Variants in AOC2 observed in about 807,000 individuals in gnomAD.
The protein encoded by AOC2 is amine oxidase [copper-containing] 2.
Under a neutral mutation model 53.8 loss-of-function variants are expected in AOC2, and 57 were observed. The observed-to-expected ratio is 1.06, with a 90% confidence interval of 0.86 to 1.32. AOC2 has a LOEUF of 1.32. AOC2 is among the 40% of genes most tolerant of loss of function. AOC2 has a pLI of 0.00. For synonymous variants in AOC2, 404 were observed against 399.0 expected (o/e 1.01, Z -0.15); for missense variants, 1,008 against 957.2 (o/e 1.05, Z -0.70).
At position 42,845,978 on chromosome 17, in the gene AOC2, G is replaced by C. The variant is rs1287154743; in HGVS notation, c.1352G>C (p.Ser451Thr). Residue 451 changes from serine (S) to threonine (T), a missense_variant, in exon 1 of 4, where the codon AGC (serine) becomes ACC (threonine). Physicochemically the swap from Ser to Thr is moderately conservative, Grantham distance 58 (BLOSUM62 1). Transcript: ENST00000253799. ...LQNHFYGGLA[S>T]SALVVRSVSS... ...AATCATTTCTATGGTGGTTTGGCCAGCTCAGCCCTTGTGGTCAGGTCTGTG... is the reference window on the plus strand; with the variant it reads ...AATCATTTCTATGGTGGTTTGGCCACCTCAGCCCTTGTGGTCAGGTCTGTG... 2.5e-6 allele frequency: 4 copies of C among 1,614,112 alleles called. No individual in the cohort carries two copies. The highest frequency in any genetic ancestry group is 1.7e-5 in the Admixed American group (1 of 60,012).
chr17:42,850,413 C>T lies in AOC2; in HGVS notation c.*65C>T, dbSNP rs1205936168. On this transcript the variant is annotated 3_prime_UTR_variant, in exon 4 of 4. Transcript: ENST00000253799. ...CTTTTCCCTGTTTCTACTTTCTATT[C>T]TCCGTGTTTTTATCACACCTGCTCC... The T allele has an allele frequency of 3.3e-6, 5 of 1,502,908 alleles. No homozygotes were observed. Among genetic ancestry groups the T allele is most frequent in the Non-Finnish European group, 3.6e-6 (4 of 1,126,296 alleles). The allele number at this position is 1,502,908 out of a possible 1,614,324, so 93.1% of individuals were successfully genotyped here.
chr17:42,845,607 C>T lies in AOC2; in HGVS notation c.981C>T (p.Ser327=). Residue 327 remains serine, a synonymous_variant, in exon 1 of 4, where the codon TCC becomes TCT. Coordinates refer to ENST00000253799, the MANE Select transcript of AOC2 (RefSeq NM_009590.4). ...YSVQGNLVVS[S]LWSFTFGHGV... is the part of the protein sequence containing the mutation. ...TGCAAGGAAACCTGGTGGTATCCTCCCTCTGGTCATTTACCTTTGGCCATG... is the reference window on the plus strand; with the variant it reads ...TGCAAGGAAACCTGGTGGTATCCTCTCTCTGGTCATTTACCTTTGGCCATG... 1.2e-6 allele frequency: 2 copies of T among 1,614,212 alleles called. No homozygotes were observed. The highest frequency in any genetic ancestry group is 1.1e-5 in the South Asian group (1 of 91,088).
In AOC2 at chr17:42,844,659, A is replaced by C. The variant is rs1182891816; in HGVS notation, c.33A>C (p.Ala11=). Residue 11 remains alanine (A), a synonymous_variant, in exon 1 of 4, where the codon GCA becomes GCC. Coordinates refer to ENST00000253799, the MANE Select transcript of AOC2 (RefSeq NM_009590.4). ...TCAAGATAGTCCTGGCGTTCCTGGC[A>C]CTGTCCCTCATTACCATCTTTGCCC... is the stretch of plus-strand genomic sequence containing the variant. MHLKIVLAFL[A]LSLITIFALA... The C allele has an allele frequency of 6.2e-7, 1 of 1,613,932 alleles. No individual in the cohort carries two copies. Among genetic ancestry groups the C allele is most frequent in the East Asian group, 2.2e-5 (1 of 44,872 alleles).
At chr17:42,849,549 A>G (rs1426963463) in intron 2 of AOC2, 52 bp from the exon 3 acceptor site, 60 of 1,613,758 alleles carry the variant, frequency 3.7e-5, no homozygotes, top group African/African-American at 6.7e-5. Context: ...CTCCTGGGCC[A>G]GTAAAGGCAC....
At position 42,850,404 on chromosome 17, in the gene AOC2, C is replaced by A; in HGVS notation, c.*56C>A. ...GCACATGTACTTTTCCCTGTTTCTA[C>A]TTTCTATTCTCCGTGTTTTTATCAC... is the stretch of plus-strand genomic sequence containing the variant. On this transcript the variant is annotated 3_prime_UTR_variant, in exon 4 of 4. Coordinates refer to ENST00000253799, the MANE Select transcript of AOC2 (RefSeq NM_009590.4). The A allele has an allele frequency of 6.6e-7, 1 of 1,510,898 alleles. No homozygotes were observed. The highest frequency in any genetic ancestry group is 8.9e-7 in the Non-Finnish European group (1 of 1,129,832). The allele number at this position is 1,510,898 out of a possible 1,614,324, so 93.6% of individuals were successfully genotyped here. A position where few individuals can be genotyped will look rare whatever the true frequency, so the allele number is the denominator to read the frequency against.
rs780166614 is a variant in AOC2 at position 42,849,287 on chromosome 17, G to A, written c.1790G>A (p.Arg597His). 43 of 1,614,004 alleles carry A rather than the reference G, an allele frequency of 2.7e-5. No individual in the cohort carries two copies. Among genetic ancestry groups the A allele is most frequent in the African/African-American group, 2.0e-4 (15 of 74,890 alleles). ...SNQTNAWGHQ[R>H]GYRIQIHSPL... Reference sequence around the variant, plus strand: ...CAGACTAATGCGTGGGGTCACCAGCGCGGGTACCGAATCCAGATCCACAGC... The same window carrying A: ...CAGACTAATGCGTGGGGTCACCAGCACGGGTACCGAATCCAGATCCACAGC... Residue 597 changes from arginine (R) to histidine (H), a missense_variant, in exon 2 of 4, where the codon CGC (arginine) becomes CAC (histidine). Physicochemically the swap from Arg to His is conservative, Grantham distance 29. Coordinates refer to ENST00000253799, the MANE Select transcript of AOC2 (RefSeq NM_009590.4).
Position 42,849,242 on chromosome 17 carries a change from A to C in AOC2, c.1745A>C (p.Tyr582Ser). 1 of 1,614,082 alleles carries C rather than the reference A, an allele frequency of 6.2e-7. No individual in the cohort carries two copies. The highest frequency in any genetic ancestry group is 8.5e-7 in the Non-Finnish European group (1 of 1,179,990). The change falls in exon 2 of 4, where the codon TAC becomes TCC. Residue 582 changes from tyrosine (Y) to serine (S), a missense_variant. Tyr to Ser is a moderately radical substitution (Grantham distance 144). Transcript: ENST00000253799. ...AFSLGSPLPR[Y>S]LYLASNQTNA... is the part of the protein sequence containing the mutation. ...TCCTTGGGAAGCCCCCTACCCCGCTACCTCTACCTGGCTAGCAACCAGACT... is the reference window on the plus strand; with the variant it reads ...TCCTTGGGAAGCCCCCTACCCCGCTCCCTCTACCTGGCTAGCAACCAGACT...
chr17:42,849,753 G>A (rs1240898352), intron 3 of AOC2, 23 bp downstream of exon 3: 5 of 1,614,016 alleles, frequency 3.1e-6, no homozygotes, highest in Admixed American at 1.7e-5. Flanking sequence ...AGGGACATAG[G>A]AAAGGGACAC....
In AOC2 at chr17:42,845,790, C is replaced by T; in HGVS notation, c.1164C>T (p.Asn388=). ...ATAGCAGCTTTGGACTCGGCCGTAA[C>T]AGCCGAGGCTTGGTGCGGGGAGTGG... ...YLDSSFGLGR[N]SRGLVRGVDC... The change falls in exon 1 of 4, where the codon AAC becomes AAT. Residue 388 remains asparagine (N), a synonymous_variant. Coordinates refer to ENST00000253799, the MANE Select transcript of AOC2 (RefSeq NM_009590.4). The T allele has an allele frequency of 6.2e-7, 1 of 1,614,182 alleles. No individual in the cohort carries two copies. The highest frequency in any genetic ancestry group is 2.2e-5 in the East Asian group (1 of 44,886).
chr17:42,849,381 G>A lies in AOC2; in HGVS notation c.1874+10G>A, dbSNP rs774660767. On this transcript the variant is annotated intron_variant, in intron 2 of 3. Coordinates refer to ENST00000253799, the MANE Select transcript of AOC2 (RefSeq NM_009590.4). Reference sequence around the variant, plus strand: ...CCCTCAGCTGGGGGAGGTGAGGAGGGCCCTGGCCTGGGTGGAAGGAAAGGA... The same window carrying A: ...CCCTCAGCTGGGGGAGGTGAGGAGGACCCTGGCCTGGGTGGAAGGAAAGGA... The A allele has an allele frequency of 2.1e-5, 33 of 1,607,746 alleles. No individual in the cohort carries two copies. The East Asian group carries it at 6.7e-4, about 33-fold the overall frequency.
Position 42,849,707 on chromosome 17 carries a change from A to G in AOC2, c.1981A>G (p.Asn661Asp). The change falls in exon 3 of 4, where the codon AAC becomes GAC. Residue 661 changes from asparagine (N) to aspartate (D), a missense_variant. Coordinates refer to ENST00000253799, the MANE Select transcript of AOC2 (RefSeq NM_009590.4). ...TPTVTFADFINNETLLGEDLV... is the reference protein window; with the variant it reads ...TPTVTFADFIDNETLLGEDLV... ...CACAGTTACCTTTGCTGACTTCATC[A>G]ACAATGAAACCCTCTTAGGAGAGGT... 1.2e-6 allele frequency: 2 copies of G among 1,614,228 alleles called. No homozygotes were observed. Among genetic ancestry groups the G allele is most frequent in the Non-Finnish European group, 1.7e-6 (2 of 1,180,050 alleles).
intron 2 of AOC2, 47 bp downstream of exon 2, chr17:42,849,418 CT>C: frequency 6.3e-7 from 1 of 1,593,152 alleles, no homozygotes; most frequent in Non-Finnish European, 8.6e-7. Context: ...AGCCCCTCCC[CT>C]GCCCCAGTCC....
At position 42,849,223 on chromosome 17, in the gene AOC2, G is replaced by A. The variant is rs780731878; in HGVS notation, c.1726G>A (p.Gly576Arg). 1 of 1,614,134 alleles carries A rather than the reference G, an allele frequency of 6.2e-7. No individual in the cohort carries two copies. Among genetic ancestry groups the A allele is most frequent in the African/African-American group, 1.3e-5 (1 of 75,024 alleles). ...GKEDLTAFSLGSPLPRYLYLA... is the reference protein window; with the variant it reads ...GKEDLTAFSLRSPLPRYLYLA... ...GGAGGACCTGACAGCTTTTTCCTTGGGAAGCCCCCTACCCCGCTACCTCTA... is the reference window on the plus strand; with the variant it reads ...GGAGGACCTGACAGCTTTTTCCTTGAGAAGCCCCCTACCCCGCTACCTCTA... The change falls in exon 2 of 4, where the codon GGA becomes AGA. Residue 576 changes from glycine (G) to arginine (R), a missense_variant. Coordinates refer to ENST00000253799, the MANE Select transcript of AOC2 (RefSeq NM_009590.4).
Position 42,845,564 on chromosome 17 carries a change from A to T in AOC2, c.938A>T (p.Gln313Leu), listed in dbSNP as rs138237473. 1 of 1,614,028 alleles carries T rather than the reference A, an allele frequency of 6.2e-7. No individual in the cohort carries two copies. The highest frequency in any genetic ancestry group is 8.5e-7 in the Non-Finnish European group (1 of 1,180,030). ...GPLPPLQFSP[Q>L]GSQYSVQGNL... ...CTTCCCCCTCTTCAGTTCTCGCCCC[A>T]GGGTTCCCAGTACAGTGTGCAAGGA... The change falls in exon 1 of 4, where the codon CAG (glutamine) becomes CTG (leucine). Residue 313 changes from glutamine to leucine, a missense_variant. Coordinates refer to ENST00000253799, the MANE Select transcript of AOC2 (RefSeq NM_009590.4).
Position 42,849,704 on chromosome 17 carries a change from A to G in AOC2, c.1978A>G (p.Ile660Val). The G allele has an allele frequency of 6.2e-7, 1 of 1,614,228 alleles. No individual in the cohort carries two copies. Among genetic ancestry groups the G allele is most frequent in the Non-Finnish European group, 8.5e-7 (1 of 1,180,036 alleles). The stretch of plus-strand genomic sequence containing the variant: ...ACCCACAGTTACCTTTGCTGACTTC[A>G]TCAACAATGAAACCCTCTTAGGAGA... ...WTPTVTFADF[I>V]NNETLLGEDL... Residue 660 changes from isoleucine to valine, a missense_variant, in exon 3 of 4, where the codon ATC becomes GTC. Coordinates refer to ENST00000253799, the MANE Select transcript of AOC2 (RefSeq NM_009590.4).
chr17:42,847,178 C>A (rs35032442), intron 1 of AOC2, among the ~76,000 whole-genome samples: 1 of 152,208 alleles, frequency 6.6e-6, no homozygotes, highest in African/African-American at 2.4e-5. Flanking sequence ...CTAGATTACT[C>A]TTTGACATAC....
In AOC2 at chr17:42,850,154, C is replaced by G; in HGVS notation, c.2077C>G (p.Leu693Val). The change falls in exon 4 of 4, where the codon CTG (leucine) becomes GTG (valine). Residue 693 changes from leucine to valine, a missense_variant. Leu to Val is a conservative substitution (Grantham distance 32, BLOSUM62 1). Transcript: ENST00000253799. ...HAEDIPNTVTLGNRVGFLLRP... is the reference protein window; with the variant it reads ...HAEDIPNTVTVGNRVGFLLRP... ...CGAGGACATCCCAAACACAGTGACT[C>G]TGGGGAACAGAGTTGGCTTCTTGCT... 1 of 1,614,188 alleles carries G rather than the reference C, an allele frequency of 6.2e-7. No homozygotes were observed. Among genetic ancestry groups the G allele is most frequent in the Non-Finnish European group, 8.5e-7 (1 of 1,180,034 alleles).
rs757334546 is a variant in AOC2 at position 42,845,786 on chromosome 17, G to GT, written c.1161dup (p.Asn388Ter). 1 of 1,614,190 alleles carries GT rather than the reference G, an allele frequency of 6.2e-7. No homozygotes were observed. The highest frequency in any genetic ancestry group is 1.1e-5 in the South Asian group (1 of 91,088). On this transcript the variant is annotated frameshift_variant, in exon 1 of 4. Transcript: ENST00000253799. LOFTEE classifies it high-confidence loss of function. ...TTGGATAGCAGCTTTGGACTCGGCCGTAACAGCCGAGGCTTGGTGCGGGGA... is the reference window on the plus strand; with the variant it reads ...TTGGATAGCAGCTTTGGACTCGGCCGTTAACAGCCGAGGCTTGGTGCGGGGA...
At chr17:42,846,951 G>C (rs1002860776) in intron 1 of AOC2, among the ~76,000 whole-genome samples, 2 of 152,194 alleles carry the variant, frequency 1.3e-5, no homozygotes, top group Admixed American at 1.3e-4. Context: ...CATTTTAAGG[G>C]AAACTAAGGA....
Sources: gnomAD v4.1 joint callset for allele counts (sites outside exome capture counted in the v4.1 genomes callset) on GRCh38, gnomAD v4.1.1 for gene constraint, MANE v1.5 for transcripts, NCBI Gene and HGNC (gene_info 2026-07-23, HGNC 2026-07-21) for gene names.